STK32B: variants seen among roughly 807,000 people sequenced by gnomAD.
The protein encoded by STK32B is serine/threonine kinase 32B.
Under a neutral mutation model 52.6 loss-of-function variants are expected in STK32B, and 43 were observed. The observed-to-expected ratio is 0.82, with a 90% CI of 0.64 to 1.05. STK32B has a LOEUF of 1.05. Among genes scored for constraint, STK32B ranks in the 50% least tolerant of loss-of-function variants. STK32B has a pLI of 0.00. For synonymous variants in STK32B, 238 were observed against 204.3 expected, an observed-to-expected ratio of 1.17 and a Z score of -1.41; for missense variants, 621 against 534.6, an observed-to-expected ratio of 1.16 and a Z score of -1.59.
rs577182204 is a variant in STK32B, at chr4:5,439,614, C to G, written c.563-7059C>G. On this transcript the variant is annotated intron_variant, in intron 6 of 11. Coordinates refer to ENST00000282908, the MANE Select transcript of STK32B (RefSeq NM_018401.3). ...CAGAAGCTCTTTAGTTTAATTAGAT[C>G]CCATTTGTCAATTTTGGCTTTTGTT... Among the ~76,000 whole-genome samples the G allele has an allele frequency of 9.9e-5, 15 of 151,938 alleles. No individual in the cohort carries two copies. The East Asian group carries it at 1.2e-3, about 12-fold the overall frequency.
intron 1 of STK32B, among the ~76,000 whole-genome samples, chr4:5,066,008 G>A (rs951030286): frequency 3.9e-5 from 6 of 152,166 alleles, no homozygotes; most frequent in African/African-American, 1.2e-4. Context: ...ACAGGTGTGA[G>A]CCACCATGCC....
intron 1 of STK32B, among the ~76,000 whole-genome samples, chr4:5,094,020 G>A (rs1223422477): frequency 6.6e-6 from 1 of 152,184 alleles, no homozygotes; most frequent in African/African-American, 2.4e-5. Flanking sequence ...CCACGATAAA[G>A]ACCAATGTGA....
At chr4:5,340,461 C>G (rs1733002546) in intron 4 of STK32B, among the ~76,000 whole-genome samples, 1 of 152,208 alleles carries the variant, frequency 6.6e-6, no homozygotes, top group South Asian at 2.1e-4. Context: ...GTGGGTGGAG[C>G]CTGTATTGCA....
At chr4:5,197,616 A>T (rs1250923043) in intron 3 of STK32B, among the ~76,000 whole-genome samples, 4 of 152,258 alleles carry the variant, frequency 2.6e-5, no homozygotes, top group African/African-American at 9.6e-5. Flanking sequence ...CATTCAAGAA[A>T]TATTGGTAGA....
chr4:5,228,234 C>T (rs1014553829), intron 3 of STK32B, among the ~76,000 whole-genome samples: 1 of 152,164 alleles, frequency 6.6e-6, no homozygotes, highest in Non-Finnish European at 1.5e-5. Flanking sequence ...CCAGTCATAT[C>T]TCTTGACTTG....
intron 4 of STK32B, among the ~76,000 whole-genome samples, chr4:5,344,592 C>G (rs1733320427): frequency 6.6e-6 from 1 of 151,974 alleles, no homozygotes; most frequent in African/African-American, 2.4e-5. Context: ...CTTATTAAAT[C>G]AGTTATTTAT....
Position 5,394,016 on chromosome 4 carries a change from G to A in STK32B, c.435-4191G>A, listed in dbSNP as rs865845180. On this transcript the variant is annotated intron_variant, in intron 4 of 11. Coordinates refer to ENST00000282908, the MANE Select transcript of STK32B (RefSeq NM_018401.3). This position sits in a 1 kb window ranked among gnomAD's most constrained non-coding sequence, Gnocchi z 4.2. ...CCAGGTTTTTGTATTTCTCTTTACTGCTGCATAAGATTGCCAGCATAGAAT... is the reference window on the plus strand; with the variant it reads ...CCAGGTTTTTGTATTTCTCTTTACTACTGCATAAGATTGCCAGCATAGAAT... Among the ~76,000 whole-genome samples the A allele has an allele frequency of 1.3e-5, 2 of 152,082 alleles. No homozygotes were observed. The highest frequency in any genetic ancestry group is 4.8e-5 in the African/African-American group (2 of 41,408).
At chr4:5,299,400 G>A (rs1157300125) in intron 3 of STK32B, among the ~76,000 whole-genome samples, 1 of 150,058 alleles carries the variant, frequency 6.7e-6, no homozygotes, top group African/African-American at 2.5e-5. Context: ...GGATTTTTAT[G>A]GTTTGAGGTC....
intron 8 of STK32B, among the ~76,000 whole-genome samples, chr4:5,459,271 G>A (rs1488535702): frequency 1.5e-5 from 2 of 132,770 alleles, no homozygotes; most frequent in African/African-American, 6.0e-5. Flanking sequence ...TCCACCTGTG[G>A]ACCCTGGTGT....
At chr4:5,097,936 C>T (rs1713491689) in intron 1 of STK32B, among the ~76,000 whole-genome samples, 1 of 152,204 alleles carries the variant, frequency 6.6e-6, no homozygotes, top group Non-Finnish European at 1.5e-5. Context: ...GGGGTTCACT[C>T]CTGTCTCTGC....
rs541984657 is a variant in STK32B at position 5,398,393 on chromosome 4, T to G, written c.472+149T>G. ...TTGTTTCAATCCTGGTGGATCAACA[T>G]CTGTGTAAATTTCTGGTCCATGTCC... On this transcript the variant is annotated intron_variant, in intron 5 of 11. Transcript: ENST00000282908. The surrounding 1 kb of genome is among the most constrained non-coding windows in gnomAD (Gnocchi z 4.9). 21 of 812,044 alleles carry G rather than the reference T, an allele frequency of 2.6e-5. 1 individual carries two copies. The South Asian group carries it at 3.6e-4, about 14-fold the overall frequency. 50.3% of individuals were successfully genotyped at this position (812,044 alleles called of 1,614,324 possible).
chr4:5,167,141 C>G (rs929942804), intron 2 of STK32B, among the ~76,000 whole-genome samples: 7 of 152,136 alleles, frequency 4.6e-5, no homozygotes, highest in African/African-American at 1.7e-4. Flanking sequence ...GAGCTTGCCC[C>G]CTGGTTTTGA....
chr4:5,214,981 C>T (rs1723104413), intron 3 of STK32B, among the ~76,000 whole-genome samples: 3 of 152,144 alleles, frequency 2.0e-5, no homozygotes, highest in Non-Finnish European at 4.4e-5. Flanking sequence ...TGTGACAATA[C>T]ATGAAAAGAG....
rs1733174559 is a variant in STK32B at position 5,342,787 on chromosome 4, A to C, written c.434+11394A>C. Among the ~76,000 whole-genome samples, 3 of 152,202 alleles carry C rather than the reference A, an allele frequency of 2.0e-5. No individual in the cohort carries two copies. In the South Asian group the frequency reaches 6.2e-4, roughly 31 times the overall value. ...CTTCGTATCTTCAACACCTGATATA[A>C]TGCCTGGCACATAGTAAGTGCTTTA... is the stretch of plus-strand genomic sequence containing the variant. On this transcript the variant is annotated intron_variant, in intron 4 of 11. Transcript: ENST00000282908.
intron 4 of STK32B, among the ~76,000 whole-genome samples, chr4:5,356,721 G>A (rs1734191009): frequency 6.6e-6 from 1 of 152,168 alleles, no homozygotes; most frequent in South Asian, 2.1e-4. Context: ...ATATTGCTGG[G>A]CGCGGTGGCT....
chr4:5,409,985 G>C (rs1711522902), intron 5 of STK32B, among the ~76,000 whole-genome samples: 1 of 152,182 alleles, frequency 6.6e-6, no homozygotes, highest in Admixed American at 6.5e-5. Context: ...TAGTGCCATG[G>C]AATTTGATTG....
At chr4:5,357,674 T>C (rs1034155899) in intron 4 of STK32B, among the ~76,000 whole-genome samples, 5 of 126,966 alleles carry the variant, frequency 3.9e-5, no homozygotes, top group African/African-American at 1.7e-4. Flanking sequence ...AAGTACTTTT[T>C]AAATATTCAC....
At chr4:5,217,321 C>A (rs909705121) in intron 3 of STK32B, among the ~76,000 whole-genome samples, 2 of 152,034 alleles carry the variant, frequency 1.3e-5, no homozygotes, top group Admixed American at 1.3e-4. Flanking sequence ...TTCAGTTCTT[C>A]CTTGCCAGGA....
intron 1 of STK32B, among the ~76,000 whole-genome samples, chr4:5,084,066 C>T (rs965935845): frequency 2.0e-5 from 3 of 152,114 alleles, no homozygotes; most frequent in African/African-American, 7.2e-5. Context: ...CTTTCTATGT[C>T]TGTTTCTCTC....
Sources: allele counts gnomAD v4.1 joint callset (sites outside exome capture counted in the v4.1 genomes callset), GRCh38; gene constraint gnomAD v4.1.1; non-coding constraint Gnocchi (gnomAD v3.1); transcripts MANE v1.5; gene names NCBI Gene and HGNC (gene_info 2026-07-23, HGNC 2026-07-21).